Variants in ZNF646 observed in about 807,000 individuals in gnomAD.
ZNF646 encodes zinc finger protein 646.
ZNF646 carries 49 observed loss-of-function variants against 115.4 expected under a neutral mutation model. The observed-to-expected ratio is 0.42, with a 90% CI of 0.34 to 0.54. The LOEUF (loss-of-function observed/expected upper bound fraction) is 0.54. ZNF646 is among the 20% of genes least tolerant of loss of function. The pLI, the probability that ZNF646 is intolerant of heterozygous loss-of-function variation, is 0.04. For synonymous variants in ZNF646, 933 were observed against 939.0 expected (o/e 0.99, Z 0.12); for missense variants, 2,269 against 2,457.9 (o/e 0.92, Z 1.62).
At position 31,078,834 on chromosome 16, in the gene ZNF646, T is replaced by C. The variant is rs779294489; in HGVS notation, c.2510T>C (p.Leu837Pro). 1.2e-6 allele frequency: 2 copies of C among 1,614,054 alleles called. No individual in the cohort carries two copies. The highest frequency in any genetic ancestry group is 1.1e-5 in the South Asian group (1 of 91,088). Residue 837 changes from leucine (L) to proline (P), a missense_variant, in exon 2 of 3, where the codon CTG (leucine) becomes CCG (proline). By Grantham distance (98) the Leu-to-Pro change is moderately conservative. Coordinates refer to ENST00000300850, the MANE Select transcript of ZNF646 (RefSeq NM_014699.4). ...TCTTTCCCCCATGCCACTGGCCTGC[T>C]GAGCCACAGGCCCTGCCACCCACCA... is the stretch of plus-strand genomic sequence containing the variant. ...GHSFPHATGL[L>P]SHRPCHPPGI...
rs753231083 is a variant in ZNF646, at chr16:31,077,315, C to T, written c.991C>T (p.Pro331Ser). The T allele has an allele frequency of 6.2e-7, 1 of 1,613,440 alleles. No individual in the cohort carries two copies. Among genetic ancestry groups the T allele is most frequent in the East Asian group, 2.2e-5 (1 of 44,828 alleles). ...GCCACGCTGGGAGGAGAAAGGGATGCCCACCACCAATGGGCACACAGATGA... is the reference window on the plus strand; with the variant it reads ...GCCACGCTGGGAGGAGAAAGGGATGTCCACCACCAATGGGCACACAGATGA... ...QEPRWEEKGM[P>S]TTNGHTDESS... Residue 331 changes from proline (P) to serine (S), a missense_variant, in exon 2 of 3, where the codon CCC (proline) becomes TCC (serine). This residue lies in a region of ZNF646 where 852 missense variants were observed against 900.2 expected (regional missense o/e 0.95). Coordinates refer to ENST00000300850, the MANE Select transcript of ZNF646 (RefSeq NM_014699.4).
chr16:31,083,193 TTCTCC>T lies in ZNF646; in HGVS notation c.*107_*111del. The T allele has an allele frequency of 6.7e-7, 1 of 1,484,002 alleles. No individual in the cohort carries two copies. The highest frequency in any genetic ancestry group is 9.0e-7 in the Non-Finnish European group (1 of 1,112,958). 91.9% of individuals were successfully genotyped at this position (1,484,002 alleles called of 1,614,324 possible). A position where few individuals can be genotyped will look rare whatever the true frequency, so the allele number is the denominator to read the frequency against. On this transcript the variant is annotated 3_prime_UTR_variant, in exon 3 of 3. Coordinates refer to ENST00000300850, the MANE Select transcript of ZNF646 (RefSeq NM_014699.4). The stretch of plus-strand genomic sequence containing the variant: ...GGAGTAGTTCGGGCATCCCCATATC[TTCTCC>T]TCTCCCCTTGTGAAGAGGACCCAGA...
At position 31,080,215 on chromosome 16, in the gene ZNF646, G is replaced by A. The variant is rs1185721609; in HGVS notation, c.3891G>A (p.Arg1297=). 2.5e-6 allele frequency: 4 copies of A among 1,610,142 alleles called. No individual in the cohort carries two copies. Among genetic ancestry groups the A allele is most frequent in the South Asian group, 1.1e-5 (1 of 90,970 alleles). Reference sequence around the variant, plus strand: ...CCCGAAAGGCGACTCGGGAAGATCGGCCCTTCCGCTGTGGGCAGTGCGGGC... The same window carrying A: ...CCCGAAAGGCGACTCGGGAAGATCGACCCTTCCGCTGTGGGCAGTGCGGGC... ...GGTRKATRED[R]PFRCGQCGRT... The change falls in exon 2 of 3, where the codon CGG becomes CGA. Residue 1297 remains arginine, a synonymous_variant. Coordinates refer to ENST00000300850, the MANE Select transcript of ZNF646 (RefSeq NM_014699.4).
rs1400260246 is a variant in ZNF646 at position 31,078,112 on chromosome 16, T to C, written c.1788T>C (p.Thr596=). ...AGAGCCTTGAACGTCATGGCCTGAC[T>C]CATGGGGCAGGGGAAAAGGAAAATA... ...DAESLERHGL[T]HGAGEKENSR... The change falls in exon 2 of 3, where the codon ACT becomes ACC. Residue 596 remains threonine, a synonymous_variant. Transcript: ENST00000300850. 6.2e-7 allele frequency: 1 copy of C among 1,614,174 alleles called. No homozygotes were observed. Among genetic ancestry groups the C allele is most frequent in the South Asian group, 1.1e-5 (1 of 91,082 alleles).
At position 31,083,867 on chromosome 16, in the gene ZNF646, T is replaced by TCCCGCCCC. The variant is rs2057197067; in HGVS notation, c.*778_*779insGCCCCCCC. 7.6e-7 allele frequency: 1 copy of TCCCGCCCC among 1,323,428 alleles called. No individual in the cohort carries two copies. The highest frequency in any genetic ancestry group is 1.4e-5 in the African/African-American group (1 of 70,798). 82.0% of individuals were successfully genotyped at this position (1,323,428 alleles called of 1,614,324 possible). A position where few individuals can be genotyped will look rare whatever the true frequency, so the allele number is the denominator to read the frequency against. On this transcript the variant is annotated 3_prime_UTR_variant, in exon 3 of 3. Transcript: ENST00000300850. ...CATCCTCACGGCTTTGGTCCCTCCC[T>TCCCGCCCC]CCCTCCCCATTCCTCGAAGGAACAG...
At position 31,078,445 on chromosome 16, in the gene ZNF646, T is replaced by G. The variant is rs1386139441; in HGVS notation, c.2121T>G (p.Ser707=). 1 of 1,590,786 alleles carries G rather than the reference T, an allele frequency of 6.3e-7. No individual in the cohort carries two copies. Among genetic ancestry groups the G allele is most frequent in the Non-Finnish European group, 8.6e-7 (1 of 1,166,494 alleles). The change falls in exon 2 of 3, where the codon TCT becomes TCG. Residue 707 remains serine (S), a synonymous_variant. Coordinates refer to ENST00000300850, the MANE Select transcript of ZNF646 (RefSeq NM_014699.4). The part of the protein sequence containing the change: ...RELEDNEGLE[S]PQDPSGESPH... Reference sequence around the variant, plus strand: ...TAGAAGACAATGAAGGCCTGGAGTCTCCCCAAGACCCTTCAGGGGAAAGTC... The same window carrying G: ...TAGAAGACAATGAAGGCCTGGAGTCGCCCCAAGACCCTTCAGGGGAAAGTC...
chr16:31,077,890 A>T lies in ZNF646; in HGVS notation c.1566A>T (p.Ala522=). The part of the protein sequence containing the change: ...RVHCKAARRS[A]DIGAEGAPSH... Reference sequence around the variant, plus strand: ...ATTGCAAGGCTGCTCGCCGAAGTGCAGACATCGGGGCTGAGGGTGCCCCCA... The same window carrying T: ...ATTGCAAGGCTGCTCGCCGAAGTGCTGACATCGGGGCTGAGGGTGCCCCCA... The change falls in exon 2 of 3, where the codon GCA becomes GCT. Residue 522 remains alanine (A), a synonymous_variant. Transcript: ENST00000300850. 1 of 1,613,754 alleles carries T rather than the reference A, an allele frequency of 6.2e-7. No individual in the cohort carries two copies. The highest frequency in any genetic ancestry group is 8.5e-7 in the Non-Finnish European group (1 of 1,180,022).
At chr16:31,076,213 GCCTT>G in intron 1 of ZNF646, 29 bp from the exon 2 acceptor site, 1 of 1,406,282 alleles carries the variant, frequency 7.1e-7, no homozygotes, top group South Asian at 1.5e-5. Context: ...GTTAATTCAG[GCCTT>G]CCTTTTGACC....
At chr16:31,075,559 A>G (rs1001180413) in intron 1 of ZNF646, among the ~76,000 whole-genome samples, 33 of 152,156 alleles carry the variant, frequency 2.2e-4, no homozygotes, top group African/African-American at 7.7e-4. Flanking sequence ...CGGCCTCCCA[A>G]AGTGCTGGGA....
chr16:31,080,069 C>T lies in ZNF646; in HGVS notation c.3745C>T (p.Arg1249Trp), dbSNP rs35376811. The change falls in exon 2 of 3, where the codon CGG becomes TGG. Residue 1249 changes from arginine (R) to tryptophan (W), a missense_variant. Transcript: ENST00000300850. Reference sequence around the variant, plus strand: ...AAACCTCATGTCCCTCAAGAACCACCGGCGCATCCATGCAGATCCCCGACG... The same window carrying T: ...AAACCTCATGTCCCTCAAGAACCACTGGCGCATCCATGCAGATCCCCGACG... ...FSNLMSLKNHRRIHADPRRFR... is the reference protein window; with the variant it reads ...FSNLMSLKNHWRIHADPRRFR... 6.4e-3 allele frequency: 10,264 copies of T among 1,612,642 alleles called. 59 individuals carry two copies. Among genetic ancestry groups the T allele is most frequent in the Non-Finnish European group, 8.1e-3 (9,553 of 1,179,416 alleles).
chr16:31,080,908 G>A lies in ZNF646; in HGVS notation c.4584G>A (p.Gly1528=). 6.2e-7 allele frequency: 1 copy of A among 1,614,134 alleles called. No homozygotes were observed. The highest frequency in any genetic ancestry group is 8.5e-7 in the Non-Finnish European group (1 of 1,180,024). ...NRDNSSQLQP[G]SHSSCSQCGK... ...ACAACAGCTCTCAGCTGCAGCCAGG[G>A]AGCCACTCCTCTTGCAGCCAGTGTG... Residue 1528 remains glycine (G), a synonymous_variant, in exon 2 of 3, where the codon GGG becomes GGA. Coordinates refer to ENST00000300850, the MANE Select transcript of ZNF646 (RefSeq NM_014699.4).
At chr16:31,073,719 G>A (rs971908160), upstream of ZNF646, 4 of 152,310 alleles carry the variant, frequency 2.6e-5, no homozygotes, top group Non-Finnish European at 5.9e-5. Context: ...GACGGAGCCC[G>A]GACCCTGCCA....
rs1406855329 is a variant in ZNF646, at chr16:31,080,998, T to C, written c.4674T>C (p.Tyr1558=). Residue 1558 remains tyrosine, a synonymous_variant, in exon 2 of 3, where the codon TAT becomes TAC. Coordinates refer to ENST00000300850, the MANE Select transcript of ZNF646 (RefSeq NM_014699.4). The part of the protein sequence containing the change: ...NHNTNKTDRH[Y]CLLCSKEFLN... ...ACACCAACAAGACAGACCGACACTA[T>C]TGCCTGCTCTGCTCCAAGGAGTTCT... The C allele has an allele frequency of 1.9e-6, 3 of 1,614,042 alleles. No individual in the cohort carries two copies. Among genetic ancestry groups the C allele is most frequent in the East Asian group, 4.5e-5 (2 of 44,870 alleles).
chr16:31,083,679 C>T lies in ZNF646; in HGVS notation c.*587C>T. On this transcript the variant is annotated 3_prime_UTR_variant, in exon 3 of 3. Coordinates refer to ENST00000300850, the MANE Select transcript of ZNF646 (RefSeq NM_014699.4). ...GTTCCTTCCCACAGCTGCTGGGCTT[C>T]TGGGCCTGCCCTGGTGCCTGGAATC... The T allele has an allele frequency of 6.3e-7, 1 of 1,589,238 alleles. No homozygotes were observed. The highest frequency in any genetic ancestry group is 8.6e-7 in the Non-Finnish European group (1 of 1,168,422).
In ZNF646 at chr16:31,078,023, C is replaced by T. The variant is rs758897201; in HGVS notation, c.1699C>T (p.Pro567Ser). 8 of 1,614,028 alleles carry T rather than the reference C, an allele frequency of 5.0e-6. No homozygotes were observed. Among genetic ancestry groups the T allele is most frequent in the Non-Finnish European group, 6.8e-6 (8 of 1,180,046 alleles). Residue 567 changes from proline (P) to serine (S), a missense_variant, in exon 2 of 3, where the codon CCA (proline) becomes TCA (serine). Transcript: ENST00000300850. ...KHEEEATDIT[P>S]AADKTAAHIC... is the part of the protein sequence containing the mutation. ...TGAAGAAGAGGCCACGGACATCACCCCAGCAGCAGACAAGACAGCAGCACA... is the reference window on the plus strand; with the variant it reads ...TGAAGAAGAGGCCACGGACATCACCTCAGCAGCAGACAAGACAGCAGCACA...
intron 2 of ZNF646, 65 bp from the exon 3 acceptor site, chr16:31,082,906 G>A (rs1163879488): frequency 6.5e-7 from 1 of 1,529,096 alleles, no homozygotes; most frequent in Non-Finnish European, 8.8e-7. Flanking sequence ...TGCAGGGCTG[G>A]GAGGGGGTAC....
Position 31,078,839 on chromosome 16 carries a change from C to T in ZNF646, c.2515C>T (p.His839Tyr). The T allele has an allele frequency of 1.9e-6, 3 of 1,614,060 alleles. No individual in the cohort carries two copies. Among genetic ancestry groups the T allele is most frequent in the Admixed American group, 1.7e-5 (1 of 60,028 alleles). ...SFPHATGLLS[H>Y]RPCHPPGIYQ... ...CCCCCATGCCACTGGCCTGCTGAGC[C>T]ACAGGCCCTGCCACCCACCAGGCAT... is the stretch of plus-strand genomic sequence containing the variant. Residue 839 changes from histidine to tyrosine, a missense_variant, in exon 2 of 3, where the codon CAC (histidine) becomes TAC (tyrosine). By Grantham distance (83) the His-to-Tyr change is moderately conservative. Coordinates refer to ENST00000300850, the MANE Select transcript of ZNF646 (RefSeq NM_014699.4).
rs1226649853 is a variant in ZNF646 at position 31,083,449 on chromosome 16, CAATT to C, written c.*358_*361del. 6 of 1,302,668 alleles carry C rather than the reference CAATT, an allele frequency of 4.6e-6. No individual in the cohort carries two copies. The highest frequency in any genetic ancestry group is 1.5e-5 in the African/African-American group (1 of 65,438). 80.7% of individuals were successfully genotyped at this position (1,302,668 alleles called of 1,614,324 possible). ...TTATTTTCTAAAGTCTATTTTGTAA[CAATT>C]TATTTAAGTTTAAAAAAAGGAAAAC... is the stretch of plus-strand genomic sequence containing the variant. On this transcript the variant is annotated 3_prime_UTR_variant, in exon 3 of 3. Transcript: ENST00000300850.
At position 31,084,132 on chromosome 16, in the gene ZNF646, G is replaced by T. The variant is rs748300074; in HGVS notation, c.*1040G>T. 8.9e-6 allele frequency: 14 copies of T among 1,581,096 alleles called. No individual in the cohort carries two copies. Among genetic ancestry groups the T allele is most frequent in the Non-Finnish European group, 1.2e-5 (14 of 1,164,468 alleles). The stretch of plus-strand genomic sequence containing the variant: ...GGGGCCACATACTTATGTTGGCCAG[G>T]CAGCTTCCAGGCTCAGCCTCGGGCT... On this transcript the variant is annotated 3_prime_UTR_variant, in exon 3 of 3. Coordinates refer to ENST00000300850, the MANE Select transcript of ZNF646 (RefSeq NM_014699.4).
Sources: gnomAD v4.1 joint callset for allele counts (sites outside exome capture counted in the v4.1 genomes callset) on GRCh38, gnomAD v4.1.1 for gene constraint, gnomAD v4.1.1 regional missense constraint, MANE v1.5 for transcripts, NCBI Gene and HGNC (gene_info 2026-07-23, HGNC 2026-07-21) for gene names.